The following OXR1 variants were observed in gnomAD, a reference collection of about 807,000 sequenced individuals.
OXR1 encodes oxidation resistance 1, also known as oxidation resistance protein 1.
Under a neutral mutation model 104.6 loss-of-function variants are expected in OXR1, and 41 were observed. That is an observed-to-expected ratio of 0.39 (90% confidence interval 0.31 to 0.51). The LOEUF is 0.51. Ranked by LOEUF, OXR1 falls within the 20% of genes least tolerant of loss-of-function variation. The probability of loss-of-function intolerance (pLI) is 0.77; values close to 1 mark genes in which losing one functional copy is unlikely to be tolerated. For synonymous variants in OXR1, 348 were observed against 348.4 expected, an observed-to-expected ratio of 1.00 and a Z score of 0.01; for missense variants, 955 against 1,031.9, an observed-to-expected ratio of 0.93 and a Z score of 1.02.
chr8:106,681,920 G>A (rs1364394637), intron 4 of OXR1, among the ~76,000 whole-genome samples: 1 of 152,156 alleles, frequency 6.6e-6, no homozygotes, highest in Non-Finnish European at 1.5e-5. Flanking sequence ...TGGTTTAGGA[G>A]GAAGAGGACA....
At position 106,474,537 on chromosome 8, in the gene OXR1, A is replaced by G. The variant is rs550695718; in HGVS notation, c.24-44406A>G. Among the ~76,000 whole-genome samples, 6 of 150,378 alleles carry G rather than the reference A, an allele frequency of 4.0e-5. No homozygotes were observed. The East Asian group carries it at 9.9e-4, about 25-fold the overall frequency. On this transcript the variant is annotated intron_variant, in intron 2 of 16. Transcript: ENST00000517566. Reference sequence around the variant, plus strand: ...ATAGTTTGTACTTTGTAAAAAGTTGAAAAAAAAACAAAAGAATATTTTGTG... The same window carrying G: ...ATAGTTTGTACTTTGTAAAAAGTTGGAAAAAAAACAAAAGAATATTTTGTG...
chr8:106,529,265 C>T (rs1191271493), intron 3 of OXR1, among the ~76,000 whole-genome samples: 1 of 152,100 alleles, frequency 6.6e-6, no homozygotes, highest in East Asian at 1.9e-4. Flanking sequence ...GTCTACATCT[C>T]CATGTGCATG....
At chr8:106,463,766 G>A (rs545238466) in intron 2 of OXR1, among the ~76,000 whole-genome samples, 3 of 152,196 alleles carry the variant, frequency 2.0e-5, no homozygotes, top group South Asian at 4.1e-4. Flanking sequence ...AAGAGCAGCA[G>A]CATCATATTG....
intron 2 of OXR1, among the ~76,000 whole-genome samples, chr8:106,465,104 G>A (rs1002805679): frequency 3.9e-5 from 6 of 152,092 alleles, no homozygotes; most frequent in African/African-American, 1.2e-4. Context: ...GATGTAAAAT[G>A]TTGGGTGGGG....
At chr8:106,692,052 A>G (rs1829359755) in intron 6 of OXR1, among the ~76,000 whole-genome samples, 1 of 151,746 alleles carries the variant, frequency 6.6e-6, no homozygotes, top group Non-Finnish European at 1.5e-5. Context: ...GTTTGTTTTT[A>G]AAAAATGTTT....
chr8:106,409,015 T>G (rs928110435), intron 2 of OXR1, among the ~76,000 whole-genome samples: 1 of 152,038 alleles, frequency 6.6e-6, no homozygotes, highest in Non-Finnish European at 1.5e-5. Context: ...TCCCCCATAC[T>G]CCCTTGTATC....
intron 1 of OXR1, among the ~76,000 whole-genome samples, chr8:106,283,987 A>AC (rs1563693747): frequency 1.3e-5 from 2 of 151,788 alleles, no homozygotes; most frequent in Admixed American, 6.6e-5. Context: ...TTTTTTTTTA[A>AC]CCCTTTGACC....
At chr8:106,514,487 C>A (rs1812738100) in intron 2 of OXR1, among the ~76,000 whole-genome samples, 1 of 152,036 alleles carries the variant, frequency 6.6e-6, no homozygotes, top group Non-Finnish European at 1.5e-5. Context: ...AAACGTGATG[C>A]CCTTCGAGTC....
At chr8:106,379,183 T>C (rs1817030132) in intron 2 of OXR1, among the ~76,000 whole-genome samples, 1 of 152,212 alleles carries the variant, frequency 6.6e-6, no homozygotes, top group East Asian at 1.9e-4. Context: ...AATTCTGGGA[T>C]GGCATTCAGC....
In OXR1 at chr8:106,646,400, G is replaced by A. The variant is rs572601340; in HGVS notation, c.221-32810G>A. ...TGGAATTACAGGCATGAGCCACCGC[G>A]CTTGGCCCTATTATCTTTAATAAAA... On this transcript the variant is annotated intron_variant, in intron 3 of 16. Coordinates refer to ENST00000517566, the MANE Select transcript of OXR1 (RefSeq NM_001198533.2). Among the ~76,000 whole-genome samples the A allele has an allele frequency of 4.6e-5, 7 of 152,138 alleles. No individual in the cohort carries two copies. In the South Asian group the frequency reaches 6.2e-4, roughly 14 times the overall value.
At chr8:106,483,485 C>A (rs1202845330) in intron 2 of OXR1, among the ~76,000 whole-genome samples, 1 of 151,810 alleles carries the variant, frequency 6.6e-6, no homozygotes, top group Non-Finnish European at 1.5e-5. Flanking sequence ...TTGCTTGAGC[C>A]TAGAAGTTTG....
intron 11 of OXR1, among the ~76,000 whole-genome samples, chr8:106,734,333 GCT>G (rs1834185098): frequency 6.6e-6 from 1 of 152,122 alleles, no homozygotes; most frequent in South Asian, 2.1e-4. Context: ...GCTGTTGTAT[GCT>G]CTTTTTGTTT....
intron 1 of OXR1, among the ~76,000 whole-genome samples, chr8:106,355,204 A>G (rs1009686155): frequency 3.3e-5 from 5 of 152,148 alleles, no homozygotes; most frequent in Non-Finnish European, 5.9e-5. Context: ...TTCTCTTGTG[A>G]AAAAGGGACA....
chr8:106,577,579 C>T (rs1817945845), intron 3 of OXR1, among the ~76,000 whole-genome samples: 1 of 151,782 alleles, frequency 6.6e-6, no homozygotes, highest in South Asian at 2.1e-4. Context: ...TTAGTAGAGA[C>T]AAGGTTTACC....
chr8:106,731,894 A>G (rs146537386), intron 11 of OXR1, among the ~76,000 whole-genome samples: 1 of 152,196 alleles, frequency 6.6e-6, no homozygotes, highest in African/African-American at 2.4e-5. Flanking sequence ...CATATAAACT[A>G]TTTCTATAAA....
chr8:106,476,073 C>T (rs1029916721), intron 2 of OXR1, among the ~76,000 whole-genome samples: 7 of 148,290 alleles, frequency 4.7e-5, no homozygotes, highest in South Asian at 2.1e-4. Context: ...GCAGTCCTTC[C>T]GGATTTTCTT....
At chr8:106,739,381 T>G (rs1834714034) in intron 12 of OXR1, 77 bp from the exon 13 acceptor site, 2 of 1,319,510 alleles carry the variant, frequency 1.5e-6, no homozygotes, top group Non-Finnish European at 2.1e-6. Context: ...TAAAGCTTTA[T>G]TTATCTGAAA....
intron 2 of OXR1, among the ~76,000 whole-genome samples, chr8:106,392,813 T>C (rs1354868794): frequency 6.6e-6 from 1 of 152,144 alleles, no homozygotes; most frequent in Non-Finnish European, 1.5e-5. Context: ...AATATAGCTA[T>C]GATATTTCTT....
rs34064435 is a variant in OXR1, at chr8:106,406,443, A to G, written c.23+46807A>G. 7.5e-3 allele frequency among the ~76,000 whole-genome samples: 1,149 copies of G among 152,306 alleles called. 5 individuals carry two copies. The highest frequency in any genetic ancestry group is 0.012 in the Non-Finnish European group (826 of 68,014). On this transcript the variant is annotated intron_variant, in intron 2 of 16. Coordinates refer to ENST00000517566, the MANE Select transcript of OXR1 (RefSeq NM_001198533.2). ...TATAGCAGCTTTCTTCATAGTTGCC[A>G]AAACTATGTCCTTTCAGTAGATGAA...
Sources: allele counts gnomAD v4.1 joint callset (sites outside exome capture counted in the v4.1 genomes callset), GRCh38; gene constraint gnomAD v4.1.1; transcripts MANE v1.5; gene names NCBI Gene and HGNC (gene_info 2026-07-23, HGNC 2026-07-21).